Variants in CACNA2D3 observed in about 807,000 individuals in gnomAD.
The protein encoded by CACNA2D3 is voltage-dependent calcium channel subunit alpha-2/delta-3.
CACNA2D3 carries 60 observed loss-of-function variants against 160.6 expected under a neutral mutation model. The observed-to-expected ratio is 0.37, with a 90% CI of 0.30 to 0.46. The LOEUF is 0.46. Ranked by LOEUF, CACNA2D3 falls within the 20% of genes least tolerant of loss-of-function variation. The pLI is 1.00. For synonymous variants in CACNA2D3, 558 were observed against 492.9 expected (o/e 1.13, Z -1.75); for missense variants, 1,205 against 1,365.0 (o/e 0.88, Z 1.85).
chr3:54,575,795 G>GA (rs1365548967), intron 8 of CACNA2D3, among the ~76,000 whole-genome samples: 1 of 152,186 alleles, frequency 6.6e-6, no homozygotes, highest in Admixed American at 6.5e-5. Context: ...AGGCAAACGT[G>GA]ATGGGACAAG....
intron 9 of CACNA2D3, 29 bp from the exon 10 acceptor site, chr3:54,627,758 C>A (rs772643879): frequency 6.8e-6 from 10 of 1,471,344 alleles, no homozygotes; most frequent in Non-Finnish European, 9.4e-6. Context: ...AGGACAGACA[C>A]TAATGGATTT....
At chr3:54,394,088 C>T (rs1024367182) in intron 4 of CACNA2D3, among the ~76,000 whole-genome samples, 1 of 152,126 alleles carries the variant, frequency 6.6e-6, no homozygotes, top group Admixed American at 6.5e-5. Context: ...TGCCACTGTG[C>T]CTGTTGGCAC....
chr3:54,953,207 C>T lies in CACNA2D3; in HGVS notation c.2450-15243C>T, dbSNP rs552784250. Among the ~76,000 whole-genome samples the T allele has an allele frequency of 5.3e-5, 8 of 152,218 alleles. No homozygotes were observed. The South Asian group carries it at 1.2e-3, about 24-fold the overall frequency. On this transcript the variant is annotated intron_variant, in intron 27 of 37. Transcript: ENST00000474759. ...TACATTAGCTCATTTAAGGCACAAA[C>T]GTATAAGGTGTGCATGACTCCTGTT...
chr3:54,265,616 A>ATATATATATAGTGTG (rs1189834980), intron 2 of CACNA2D3, among the ~76,000 whole-genome samples: 3 of 143,100 alleles, frequency 2.1e-5, no homozygotes, highest in South Asian at 2.2e-4. Flanking sequence ...TATAGTGTGT[A>ATATATATATAGTGTG]TATATATATA....
chr3:54,707,850 T>C (rs1392944061), intron 11 of CACNA2D3, among the ~76,000 whole-genome samples: 1 of 152,178 alleles, frequency 6.6e-6, no homozygotes, highest in Non-Finnish European at 1.5e-5. Context: ...AAGTGGCACA[T>C]TGAGTTTGTG....
intron 4 of CACNA2D3, among the ~76,000 whole-genome samples, chr3:54,460,883 G>T (rs1280335732): frequency 6.6e-6 from 1 of 152,154 alleles, no homozygotes; most frequent in African/African-American, 2.4e-5. Flanking sequence ...TCCAGTTTTT[G>T]CCCATTCAGT....
At chr3:54,685,998 C>T (rs2106922707) in intron 11 of CACNA2D3, among the ~76,000 whole-genome samples, 1 of 152,328 alleles carries the variant, frequency 6.6e-6, no homozygotes, top group Middle Eastern at 3.4e-3. Flanking sequence ...GTGTTTGCTG[C>T]ATTACATGGC....
chr3:54,575,619 GA>G (rs1559516910), intron 8 of CACNA2D3, among the ~76,000 whole-genome samples: 1 of 152,206 alleles, frequency 6.6e-6, no homozygotes, highest in African/African-American at 2.4e-5. Context: ...GGGCTACCAG[GA>G]AGCAGGTCTC....
intron 2 of CACNA2D3, among the ~76,000 whole-genome samples, chr3:54,302,907 T>C (rs972902622): frequency 2.6e-5 from 4 of 152,036 alleles, no homozygotes; most frequent in Admixed American, 6.6e-5. Flanking sequence ...GGTGATCTTA[T>C]TCATCTTCAT....
At chr3:54,562,428 C>T (rs1050367023) in intron 5 of CACNA2D3, among the ~76,000 whole-genome samples, 31 of 151,960 alleles carry the variant, frequency 2.0e-4, no homozygotes, top group Admixed American at 1.4e-3. Flanking sequence ...TTTTTAATGC[C>T]GAGTTTTGGC....
At chr3:54,175,465 T>C (rs1025167106) in intron 2 of CACNA2D3, among the ~76,000 whole-genome samples, 1 of 151,406 alleles carries the variant, frequency 6.6e-6, no homozygotes, top group African/African-American at 2.4e-5. Context: ...AAAAAAAAAT[T>C]AGCTGGGCAT....
intron 2 of CACNA2D3, among the ~76,000 whole-genome samples, chr3:54,157,311 G>A (rs1466456997): frequency 6.6e-6 from 1 of 152,170 alleles, no homozygotes; most frequent in Non-Finnish European, 1.5e-5. Flanking sequence ...TTACCAATGG[G>A]GGTTAGGGCT....
At chr3:54,802,129 T>C (rs1182918) in intron 13 of CACNA2D3, among the ~76,000 whole-genome samples, 115,319 of 152,020 alleles carry the variant, frequency 0.76, 44,596 homozygotes, top group African/African-American at 0.92. Context: ...CCTCCTCCTC[T>C]TTCAACATCA....
intron 2 of CACNA2D3, among the ~76,000 whole-genome samples, chr3:54,315,996 GA>G (rs201361398): frequency 0.011 from 1,694 of 151,966 alleles, 21 homozygotes; most frequent in Non-Finnish European, 0.015. Flanking sequence ...AAAGAAGAAA[GA>G]AAAAAAATCA....
chr3:54,228,082 A>G (rs1252917938), intron 2 of CACNA2D3, among the ~76,000 whole-genome samples: 2 of 152,136 alleles, frequency 1.3e-5, no homozygotes, highest in African/African-American at 4.8e-5. Context: ...TATGTGTTTA[A>G]GGGATTTTGT....
intron 17 of CACNA2D3, among the ~76,000 whole-genome samples, chr3:54,859,972 G>GCGCGCGCGCGCA (rs535185040): frequency 9.7e-5 from 13 of 133,884 alleles, no homozygotes; most frequent in African/African-American, 3.6e-4. Flanking sequence ...GAAAGTAGAT[G>GCGCGCGCGCGCA]CACACACACA....
intron 27 of CACNA2D3, among the ~76,000 whole-genome samples, chr3:54,957,760 C>T (rs1036243945): frequency 2.0e-4 from 31 of 152,164 alleles, no homozygotes; most frequent in Admixed American, 3.3e-4. Flanking sequence ...CCATGCCAGT[C>T]CGTCTGTCAT....
At chr3:54,746,322 T>A (rs12488046) in intron 11 of CACNA2D3, among the ~76,000 whole-genome samples, 2 of 152,160 alleles carry the variant, frequency 1.3e-5, no homozygotes, top group African/African-American at 2.4e-5. Flanking sequence ...GTTAGTAATA[T>A]CTTTTGTGAA....
intron 27 of CACNA2D3, among the ~76,000 whole-genome samples, chr3:54,940,521 G>A (rs1235141850): frequency 1.3e-5 from 2 of 152,098 alleles, no homozygotes; most frequent in Admixed American, 6.5e-5. Flanking sequence ...TGCTGTCAGG[G>A]TGAACTCTGA....
Sources: allele counts gnomAD v4.1 joint callset (sites outside exome capture counted in the v4.1 genomes callset), GRCh38; gene constraint gnomAD v4.1.1; transcripts MANE v1.5; gene names NCBI Gene and HGNC (gene_info 2026-07-23, HGNC 2026-07-21).